PRDM6: variants seen among roughly 807,000 people sequenced by gnomAD.
The protein encoded by PRDM6 is PR/SET domain 6.
Under a neutral mutation model 60.8 loss-of-function variants are expected in PRDM6, and 25 were observed. The ratio of observed to expected loss-of-function variants is 0.41; its 90% CI spans 0.30 to 0.57. The LOEUF (loss-of-function observed/expected upper bound fraction) is 0.57, where lower values mean the gene tolerates loss of function less well. PRDM6 is among the 20% of genes least tolerant of loss of function. The pLI is 0.27. For missense variants in PRDM6, 839 were observed against 821.3 expected, an observed-to-expected ratio of 1.02 and a Z score of -0.26; for synonymous variants, 407 against 357.4, an observed-to-expected ratio of 1.14 and a Z score of -1.57.
At position 123,159,738 on chromosome 5, in the gene PRDM6, G is replaced by A. The variant is rs142102388; in HGVS notation, c.1153+100G>A. On this transcript the variant is annotated intron_variant, in intron 5 of 7. Transcript: ENST00000407847. ...TGAAACTCATGAAACGTGGTTCACT[G>A]TAATAAGTAACACAAACATATACAA... 4.8e-3 allele frequency: 5,468 copies of A among 1,147,140 alleles called. 53 individuals are homozygous for A. Among genetic ancestry groups the A allele is most frequent in the African/African-American group, 0.034 (2,154 of 64,196 alleles). The allele number at this position is 1,147,140 out of a possible 1,614,324, so 71.1% of individuals were successfully genotyped here. A position where few individuals can be genotyped will look rare whatever the true frequency, so the allele number is the denominator to read the frequency against.
In PRDM6 at chr5:123,111,895, C is replaced by T. The variant is rs549319547; in HGVS notation, c.900+11934C>T. ...TTAATTCCAGTCTCTACCTTGCCTT[C>T]GCCCCTGCTACATCTTGGCTAATCT... On this transcript the variant is annotated intron_variant, in intron 3 of 7. Coordinates refer to ENST00000407847, the MANE Select transcript of PRDM6 (RefSeq NM_001136239.4). Among the ~76,000 whole-genome samples the T allele has an allele frequency of 1.6e-4, 24 of 152,220 alleles. No individual in the cohort carries two copies. In the South Asian group the frequency reaches 4.1e-3, roughly 26 times the overall value.
intron 3 of PRDM6, among the ~76,000 whole-genome samples, chr5:123,124,097 GA>G (rs1291326752): frequency 3.3e-5 from 5 of 152,166 alleles, no homozygotes; most frequent in African/African-American, 1.2e-4. Flanking sequence ...TTGCCAGATT[GA>G]ATGGCTGCTC....
intron 2 of PRDM6, among the ~76,000 whole-genome samples, chr5:123,095,096 T>A (rs1763927487): frequency 1.3e-5 from 2 of 152,106 alleles, no homozygotes; most frequent in Non-Finnish European, 1.5e-5. Flanking sequence ...ATCAATTGGC[T>A]CCCCTTCCGG....
At chr5:123,115,499 A>AT (rs1233346374) in intron 3 of PRDM6, among the ~76,000 whole-genome samples, 1 of 152,180 alleles carries the variant, frequency 6.6e-6, no homozygotes, top group African/African-American at 2.4e-5. Context: ...TTTTTGCAGT[A>AT]TTTTTCCTCA....
chr5:123,153,005 T>C (rs1447151682), intron 3 of PRDM6, among the ~76,000 whole-genome samples: 1 of 152,156 alleles, frequency 6.6e-6, no homozygotes, highest in Non-Finnish European at 1.5e-5. Context: ...ATATTTCTAC[T>C]CCTATTGATA....
At position 123,099,798 on chromosome 5, in the gene PRDM6, G is replaced by T. The variant is rs886082112; in HGVS notation, c.737G>T (p.Arg246Leu). The stretch of plus-strand genomic sequence containing the variant: ...CCGGAGTGGCTGCGGGACCTGCCTC[G>T]CGAGGTGTGCCTCTGCACCAGTACT... ...ELPEWLRDLP[R>L]EVCLCTSTVP... The change falls in exon 3 of 8, where the codon CGC becomes CTC. Residue 246 changes from arginine to leucine, a missense_variant. Transcript: ENST00000407847. The surrounding 1 kb of genome is among the most constrained non-coding windows in gnomAD (Gnocchi z 4.0). 4.5e-6 allele frequency: 7 copies of T among 1,549,016 alleles called. No homozygotes were observed. The highest frequency in any genetic ancestry group is 6.1e-6 in the Non-Finnish European group (7 of 1,146,124).
chr5:123,160,360 A>G (rs548913901), intron 5 of PRDM6, among the ~76,000 whole-genome samples: 1 of 152,312 alleles, frequency 6.6e-6, no homozygotes, highest in South Asian at 2.1e-4. Flanking sequence ...GTGATTTCGT[A>G]TTTGGAACAG....
At chr5:123,184,649 C>T (rs1387190965) in intron 7 of PRDM6, among the ~76,000 whole-genome samples, 1 of 152,180 alleles carries the variant, frequency 6.6e-6, no homozygotes, top group Non-Finnish European at 1.5e-5. Flanking sequence ...AAGTCTGGCT[C>T]TGACTTCTGT....
chr5:123,167,664 C>T (rs1185591527), intron 5 of PRDM6, among the ~76,000 whole-genome samples: 2 of 152,198 alleles, frequency 1.3e-5, no homozygotes, highest in Non-Finnish European at 2.9e-5. Context: ...GCTGGGATTA[C>T]AGGCGTGAGC....
chr5:123,193,425 T>C lies in PRDM6; in HGVS notation c.*6224T>C, dbSNP rs1163132708. On this transcript the variant is annotated 3_prime_UTR_variant, in exon 8 of 8. Transcript: ENST00000407847. ...AAAGTCTGCCAACCCACAGTCCCTG[T>C]TGATCCACATGTGGGCATTGTCTAA... 6.6e-6 allele frequency: 1 copy of C among 152,220 alleles called. No homozygotes were observed. The highest frequency in any genetic ancestry group is 1.5e-5 in the Non-Finnish European group (1 of 68,042). 9.4% of individuals were successfully genotyped at this position (152,220 alleles called of 1,614,324 possible). A position where few individuals can be genotyped will look rare whatever the true frequency, so the allele number is the denominator to read the frequency against.
At chr5:123,138,867 T>A (rs1765032583) in intron 3 of PRDM6, among the ~76,000 whole-genome samples, 1 of 152,172 alleles carries the variant, frequency 6.6e-6, no homozygotes, top group Admixed American at 6.5e-5. Flanking sequence ...GCCTTCCGTT[T>A]AAAGTACATG....
At chr5:123,175,551 A>G (rs75445918) in intron 6 of PRDM6, among the ~76,000 whole-genome samples, 1,668 of 152,268 alleles carry the variant, frequency 0.011, 20 homozygotes, top group African/African-American at 0.031. Flanking sequence ...CAGGCTGTTT[A>G]GTCTTGCACT....
chr5:123,168,971 C>T (rs959347999), intron 5 of PRDM6, among the ~76,000 whole-genome samples: 11 of 152,238 alleles, frequency 7.2e-5, no homozygotes, highest in African/African-American at 2.7e-4. Flanking sequence ...CATCTTCGTG[C>T]CATGTAGCAT....
intron 3 of PRDM6, among the ~76,000 whole-genome samples, chr5:123,104,851 T>C (rs1281703787): frequency 6.6e-6 from 1 of 152,240 alleles, no homozygotes; most frequent in Non-Finnish European, 1.5e-5. Flanking sequence ...TTTCCAGCAT[T>C]GTGTTAAAAG....
chr5:123,101,901 G>A (rs1333155631), intron 3 of PRDM6, among the ~76,000 whole-genome samples: 1 of 152,156 alleles, frequency 6.6e-6, no homozygotes, highest in Non-Finnish European at 1.5e-5. Context: ...GGGGAATTTA[G>A]TCAGTGTTTT....
chr5:123,190,835 A>G lies in PRDM6; in HGVS notation c.*3634A>G, dbSNP rs1766417547. 2.0e-5 allele frequency: 3 copies of G among 152,236 alleles called. No homozygotes were observed. Among genetic ancestry groups the G allele is most frequent in the Non-Finnish European group, 4.4e-5 (3 of 68,036 alleles). 9.4% of individuals were successfully genotyped at this position (152,236 alleles called of 1,614,324 possible). A position where few individuals can be genotyped will look rare whatever the true frequency, so the allele number is the denominator to read the frequency against. On this transcript the variant is annotated 3_prime_UTR_variant, in exon 8 of 8. Coordinates refer to ENST00000407847, the MANE Select transcript of PRDM6 (RefSeq NM_001136239.4). Reference sequence around the variant, plus strand: ...CATTATTTAAGTGACTATTCATGATAAAATAATATTCTCCTCCTAAGTGGC... The same window carrying G: ...CATTATTTAAGTGACTATTCATGATGAAATAATATTCTCCTCCTAAGTGGC...
intron 3 of PRDM6, among the ~76,000 whole-genome samples, chr5:123,136,453 T>G (rs1764955643): frequency 6.6e-6 from 1 of 152,204 alleles, no homozygotes; most frequent in Non-Finnish European, 1.5e-5. Flanking sequence ...TTTTTCACTG[T>G]TATTATTTTC....
Position 123,151,761 on chromosome 5 carries a change from C to G in PRDM6, c.901-4123C>G, listed in dbSNP as rs1379820121. ...GAAATGTGCTGCCTGTGCTTTTTCA[C>G]ACAGGGTCCCCCAGCTCACCTTGGG... On this transcript the variant is annotated intron_variant, in intron 3 of 7. Coordinates refer to ENST00000407847, the MANE Select transcript of PRDM6 (RefSeq NM_001136239.4). Among the ~76,000 whole-genome samples, 3 of 152,054 alleles carry G rather than the reference C, an allele frequency of 2.0e-5. No individual in the cohort carries two copies. In the East Asian group the frequency reaches 5.8e-4, roughly 29 times the overall value.
intron 2 of PRDM6, among the ~76,000 whole-genome samples, chr5:123,095,015 A>G (rs1763926143): frequency 6.6e-6 from 1 of 152,212 alleles, no homozygotes; most frequent in Non-Finnish European, 1.5e-5. Flanking sequence ...GGGGAGCTTT[A>G]AACTCGCGTA....
Sources: gnomAD v4.1 joint callset for allele counts (sites outside exome capture counted in the v4.1 genomes callset) on GRCh38, gnomAD v4.1.1 for gene constraint, Gnocchi (gnomAD v3.1) non-coding constraint, MANE v1.5 for transcripts, NCBI Gene and HGNC (gene_info 2026-07-23, HGNC 2026-07-21) for gene names.